TTC16: variants seen among roughly 807,000 people sequenced by gnomAD.
TTC16 encodes the protein tetratricopeptide repeat protein 16.
TTC16 carries 66 observed loss-of-function variants against 80.4 expected under a neutral mutation model. The observed-to-expected ratio is 0.82, with a 90% CI of 0.67 to 1.01. TTC16 has a LOEUF of 1.01. Ranked by LOEUF, TTC16 falls within the 50% of genes least tolerant of loss-of-function variation. The pLI is 0.00. For synonymous variants in TTC16, 438 were observed against 451.3 expected (o/e 0.97, Z 0.37); for missense variants, 1,070 against 1,103.2 (o/e 0.97, Z 0.43).
At chr9:127,725,030 C>T (rs1843822521) in intron 9 of TTC16, 133 bp downstream of exon 9, 3 of 1,113,788 alleles carry the variant, frequency 2.7e-6, no homozygotes, top group Non-Finnish European at 3.6e-6. Context: ...CCTGTAATCC[C>T]CACGCAGGTG....
chr9:127,720,092 T>A lies in TTC16; in HGVS notation c.441T>A (p.Phe147Leu). 1.2e-6 allele frequency: 2 copies of A among 1,613,854 alleles called. No homozygotes were observed. The highest frequency in any genetic ancestry group is 1.7e-6 in the Non-Finnish European group (2 of 1,180,000). ...FVLYLQGQCL[F>L]EQCAFLDALN... ...TGTGTCCCCAGGGACAATGCCTTTT[T>A]GAGCAGTGTGCCTTCCTGGATGCCC... Residue 147 changes from phenylalanine (F) to leucine (L), a missense_variant, in exon 5 of 14, where the codon TTT becomes TTA. Physicochemically the swap from Phe to Leu is conservative, Grantham distance 22 (BLOSUM62 0). Coordinates refer to ENST00000373289, the MANE Select transcript of TTC16 (RefSeq NM_144965.3).
In TTC16 at chr9:127,720,285, C is replaced by T. The variant is rs1451450414; in HGVS notation, c.547C>T (p.Leu183Phe). Residue 183 changes from leucine (L) to phenylalanine (F), a missense_variant, in exon 6 of 14, where the codon CTC becomes TTC. Physicochemically the swap from Leu to Phe is conservative, Grantham distance 22 (BLOSUM62 0). Transcript: ENST00000373289. ...RYRCMACLLALKQHQACLTLI... is the reference protein window; with the variant it reads ...RYRCMACLLAFKQHQACLTLI... ...CCTCAGCATGGCCTGTCTCCTGGCC[C>T]TCAAGCAGCATCAGGCCTGCCTCAC... 1 of 1,613,456 alleles carries T rather than the reference C, an allele frequency of 6.2e-7. No homozygotes were observed. Among genetic ancestry groups the T allele is most frequent in the South Asian group, 1.1e-5 (1 of 91,090 alleles).
chr9:127,724,363 C>T lies in TTC16; in HGVS notation c.1116C>T (p.Gly372=), dbSNP rs545577825. The change falls in exon 8 of 14, where the codon GGC becomes GGT. Residue 372 remains glycine, a splice_region_variant and synonymous_variant. Coordinates refer to ENST00000373289, the MANE Select transcript of TTC16 (RefSeq NM_144965.3). ...QQEKGLYINR[G]DCFFQLGNLA... ...AGAAAGGACTCTACATCAACCGAGG[C>T]GGTGCGCAGCGACCAGGGCACTGGG... 18 of 1,285,604 alleles carry T rather than the reference C, an allele frequency of 1.4e-5. No homozygotes were observed. Among genetic ancestry groups the T allele is most frequent in the East Asian group, 3.1e-5 (1 of 31,956 alleles). The allele number at this position is 1,285,604 out of a possible 1,614,324, so 79.6% of individuals were successfully genotyped here.
At chr9:127,719,165 C>G (rs1012506614) in intron 4 of TTC16, among the ~76,000 whole-genome samples, 1 of 151,162 alleles carries the variant, frequency 6.6e-6, no homozygotes, top group Non-Finnish European at 1.5e-5. Flanking sequence ...GAGCCAAGAT[C>G]GTGCCACTGT....
Position 127,717,667 on chromosome 9 carries a change from GCT to G in TTC16, c.324_325del (p.Cys109Ter). 6.2e-7 allele frequency: 1 copy of G among 1,614,052 alleles called. No individual in the cohort carries two copies. Among genetic ancestry groups the G allele is most frequent in the Middle Eastern group, 1.6e-4 (1 of 6,062 alleles). ...CCTTACGGGCTGAGGCCTACCTCCA[GCT>G]CTGTGACTTCTCCTCGGCCGCCCAG... Reference protein sequence around the residue: ...YALRAEAYLQLCDFSSAAQNL... With the variant: ...YALRAEAYLQXCDFSSAAQNL... On this transcript the variant is annotated frameshift_variant, in exon 4 of 14. Transcript: ENST00000373289. LOFTEE classifies it high-confidence loss of function.
Position 127,730,894 on chromosome 9 carries a change from A to G in TTC16, c.2111A>G (p.Lys704Arg), listed in dbSNP as rs754291959. Residue 704 changes from lysine (K) to arginine (R), a missense_variant, in exon 14 of 14, where the codon AAG becomes AGG. Physicochemically the swap from Lys to Arg is conservative, Grantham distance 26. Coordinates refer to ENST00000373289, the MANE Select transcript of TTC16 (RefSeq NM_144965.3). ...NSSKTKATIHKRNSSKTKATQ... is the reference protein window; with the variant it reads ...NSSKTKATIHRRNSSKTKATQ... Reference sequence around the variant, plus strand: ...AGCAAGACCAAGGCCACTATACACAAGAGGAACTCCAGCAAGACCAAGGCC... The same window carrying G: ...AGCAAGACCAAGGCCACTATACACAGGAGGAACTCCAGCAAGACCAAGGCC... The G allele has an allele frequency of 6.2e-7, 1 of 1,612,300 alleles. No individual in the cohort carries two copies. The highest frequency in any genetic ancestry group is 1.1e-5 in the South Asian group (1 of 90,994).
In TTC16 at chr9:127,729,328, T is replaced by A. The variant is rs566471802; in HGVS notation, c.1765-253T>A. On this transcript the variant is annotated intron_variant, in intron 12 of 13. Coordinates refer to ENST00000373289, the MANE Select transcript of TTC16 (RefSeq NM_144965.3). ...ACCTGAACTAATTTTCATTTTGCAG[T>A]TGAAAAAAACCAAGGCGCTAGCAGC... is the stretch of plus-strand genomic sequence containing the variant. The A allele has an allele frequency of 3.1e-5, 14 of 446,994 alleles. 1 individual carries two copies. In the South Asian group the frequency reaches 3.4e-4, roughly 11 times the overall value. The allele number at this position is 446,994 out of a possible 1,614,324, so 27.7% of individuals were successfully genotyped here.
chr9:127,725,563 CAAAAAAAAAAA>C, intron 9 of TTC16, among the ~76,000 whole-genome samples: 1 of 57,374 alleles, frequency 1.7e-5, no homozygotes, highest in East Asian at 7.6e-4. Flanking sequence ...GACTCCGTCT[CAAAAAAAAAAA>C]AAAAAAAAAA....
chr9:127,721,526 C>T (rs956376089), intron 6 of TTC16, among the ~76,000 whole-genome samples: 3 of 151,836 alleles, frequency 2.0e-5, no homozygotes, highest in Non-Finnish European at 4.4e-5. Flanking sequence ...GGGTTCACCT[C>T]ATTCTCCAAG....
At position 127,717,504 on chromosome 9, in the gene TTC16, C is replaced by T; in HGVS notation, c.282+80C>T. On this transcript the variant is annotated intron_variant, in intron 3 of 13. Coordinates refer to ENST00000373289, the MANE Select transcript of TTC16 (RefSeq NM_144965.3). Reference sequence around the variant, plus strand: ...CCCTGTCGCACCTGCCAGATCCCTCCTCTCAGGGCCACCAAGTCCCTGATG... The same window carrying T: ...CCCTGTCGCACCTGCCAGATCCCTCTTCTCAGGGCCACCAAGTCCCTGATG... The T allele has an allele frequency of 1.9e-6, 3 of 1,574,508 alleles. No individual in the cohort carries two copies. The South Asian group carries it at 3.5e-5, about 19-fold the overall frequency.
At position 127,731,585 on chromosome 9, in the gene TTC16, A is replaced by G; in HGVS notation, c.*180A>G. On this transcript the variant is annotated 3_prime_UTR_variant, in exon 14 of 14. Coordinates refer to ENST00000373289, the MANE Select transcript of TTC16 (RefSeq NM_144965.3). ...TTTTACAAAATTAAAAACATCTAAA[A>G]CCAGGCCCAAGTGGCAGCTTGAGTC... 8 of 1,363,054 alleles carry G rather than the reference A, an allele frequency of 5.9e-6. No individual in the cohort carries two copies. Among genetic ancestry groups the G allele is most frequent in the Non-Finnish European group, 7.7e-6 (8 of 1,042,308 alleles). The allele number at this position is 1,363,054 out of a possible 1,614,324, so 84.4% of individuals were successfully genotyped here. A position where few individuals can be genotyped will look rare whatever the true frequency, so the allele number is the denominator to read the frequency against.
In TTC16 at chr9:127,723,177, A is replaced by G. The variant is rs1843636565; in HGVS notation, c.716A>G (p.Gln239Arg). The change falls in exon 7 of 14, where the codon CAG (glutamine) becomes CGG (arginine). Residue 239 changes from glutamine to arginine, a missense_variant. Physicochemically the swap from Gln to Arg is conservative, Grantham distance 43. Transcript: ENST00000373289. ...TTGCTGTTGAATCCCAAGCACCCGC[A>G]GGCCAGGATGCTGCTCCAGAAGATG... ...SALLLNPKHP[Q>R]ARMLLQKMVA... 6.2e-7 allele frequency: 1 copy of G among 1,612,772 alleles called. No homozygotes were observed. The highest frequency in any genetic ancestry group is 8.5e-7 in the Non-Finnish European group (1 of 1,180,030).
chr9:127,730,741 C>T lies in TTC16; in HGVS notation c.1958C>T (p.Thr653Met), dbSNP rs377177336. The T allele has an allele frequency of 2.9e-5, 47 of 1,613,562 alleles. No homozygotes were observed. In the South Asian group the frequency reaches 4.0e-4, roughly 14 times the overall value. ...TTCTCTGACTCGTCACTGTTGAAGA[C>T]GCAATCCTCGGACTCTGGGAACAAC... Reference protein sequence around the residue: ...VTFSDSSLLKTQSSDSGNNRE... With the variant: ...VTFSDSSLLKMQSSDSGNNRE... The change falls in exon 14 of 14, where the codon ACG becomes ATG. Residue 653 changes from threonine (T) to methionine (M), a missense_variant. Coordinates refer to ENST00000373289, the MANE Select transcript of TTC16 (RefSeq NM_144965.3).
intron 9 of TTC16, 77 bp from the exon 10 acceptor site, chr9:127,726,162 C>G: frequency 7.3e-7 from 1 of 1,363,276 alleles, no homozygotes; most frequent in Admixed American, 2.4e-5. Flanking sequence ...TCTAACTCCT[C>G]AGTGGGGCCC....
At position 127,717,018 on chromosome 9, in the gene TTC16, T is replaced by A. The variant is rs766153919; in HGVS notation, c.191+2T>A. On this transcript the variant is annotated splice_donor_variant, in intron 2 of 13. Transcript: ENST00000373289. LOFTEE classifies it high-confidence loss of function. Reference sequence around the variant, plus strand: ...AGTGCCCCTCAAAGTCAGGGAATAGTGAGTGACTACCTTGCTTTGGGGTCC... The same window carrying A: ...AGTGCCCCTCAAAGTCAGGGAATAGAGAGTGACTACCTTGCTTTGGGGTCC... 1.2e-6 allele frequency: 2 copies of A among 1,611,584 alleles called. No individual in the cohort carries two copies.
chr9:127,717,044 CAGGTT>C, intron 2 of TTC16, 28 bp downstream of exon 2: 1 of 1,606,602 alleles, frequency 6.2e-7, no homozygotes, highest in Non-Finnish European at 8.5e-7. Flanking sequence ...TTTGGGGTCC[CAGGTT>C]CCTGCCCGAC....
rs779632942 is a variant in TTC16, at chr9:127,727,118, C to G, written c.1568+6C>G. 2.5e-6 allele frequency: 4 copies of G among 1,588,308 alleles called. No homozygotes were observed. In the Admixed American group the frequency reaches 6.9e-5, roughly 27 times the overall value. On this transcript the variant is annotated splice_donor_region_variant and intron_variant, in intron 11 of 13. Coordinates refer to ENST00000373289, the MANE Select transcript of TTC16 (RefSeq NM_144965.3). The stretch of plus-strand genomic sequence containing the variant: ...AGCCCACAAGGCATTGTGGGGTAAG[C>G]CCTGGAGCAAGGGGCACAGGCCAGG...
intron 9 of TTC16, 111 bp downstream of exon 9, chr9:127,725,008 C>A: frequency 7.6e-7 from 1 of 1,310,318 alleles, no homozygotes; most frequent in East Asian, 2.7e-5. Flanking sequence ...TCCTCGGGGG[C>A]GATGGCTCAT....
intron 7 of TTC16, 86 bp downstream of exon 7, chr9:127,723,419 C>A: frequency 7.6e-7 from 1 of 1,320,106 alleles, no homozygotes; most frequent in Non-Finnish European, 1.1e-6. Flanking sequence ...CCCTGACCCT[C>A]TCTGGGCCTC....
Sources: gnomAD v4.1 joint callset for allele counts (sites outside exome capture counted in the v4.1 genomes callset) on GRCh38, gnomAD v4.1.1 for gene constraint, MANE v1.5 for transcripts, NCBI Gene and HGNC (gene_info 2026-07-23, HGNC 2026-07-21) for gene names.